Variants in NDUFA8 observed in about 807,000 individuals in gnomAD.
NDUFA8 encodes the protein NADH:ubiquinone oxidoreductase subunit A8, also known as NADH dehydrogenase [ubiquinone] 1 alpha subcomplex subunit 8.
In NDUFA8, 16 loss-of-function variants were observed where a neutral mutation model predicts 20.9. The ratio of observed to expected loss-of-function variants is 0.77; its 90% CI spans 0.52 to 1.16. NDUFA8 has a LOEUF of 1.16. Among genes scored for constraint, NDUFA8 ranks in the 50% most tolerant of loss-of-function variants. NDUFA8 has a pLI of 0.00. For missense variants in NDUFA8, 202 were observed against 216.4 expected (o/e 0.93, Z 0.42); for synonymous variants, 70 against 76.1 (o/e 0.92, Z 0.41).
intron 1 of NDUFA8, among the ~76,000 whole-genome samples, chr9:122,154,306 G>C (rs1432922982): frequency 6.6e-6 from 1 of 151,810 alleles, no homozygotes; most frequent in East Asian, 1.9e-4. Context: ...TTAGAAAACA[G>C]ATATGAATAC....
At chr9:122,140,029 C>A (rs979050275), downstream of NDUFA8, among the ~76,000 whole-genome samples, 16 of 152,150 alleles carry the variant, frequency 1.1e-4, no homozygotes, top group Admixed American at 5.9e-4. Context: ...GGGGTGAGAT[C>A]CAGACATCAG....
At chr9:122,142,038 C>A (rs903204293), downstream of NDUFA8, among the ~76,000 whole-genome samples, 3 of 152,142 alleles carry the variant, frequency 2.0e-5, no homozygotes, top group African/African-American at 7.2e-5. Context: ...GGGGAGTGAA[C>A]AGTGCTAGAA....
intron 3 of NDUFA8, among the ~76,000 whole-genome samples, chr9:122,146,280 GAA>G (rs1246859029): frequency 6.6e-6 from 1 of 152,042 alleles, no homozygotes; most frequent in Non-Finnish European, 1.5e-5. Context: ...ATACACTTTT[GAA>G]AAGAGTTAAG....
chr9:122,139,310 C>G (rs755491662), downstream of NDUFA8, among the ~76,000 whole-genome samples: 7 of 151,964 alleles, frequency 4.6e-5, no homozygotes, highest in Non-Finnish European at 8.8e-5. Context: ...TGCGCTTGCT[C>G]TGAGAGTCCT....
chr9:122,137,402 C>T, the NDUFA8 span, among the ~76,000 whole-genome samples: 4 of 151,878 alleles, frequency 2.6e-5, no homozygotes, highest in African/African-American at 9.7e-5. Flanking sequence ...CCATCACACC[C>T]GGCTAATTTT....
downstream of NDUFA8, among the ~76,000 whole-genome samples, chr9:122,140,304 C>A (rs1828800621): frequency 6.6e-6 from 1 of 152,194 alleles, no homozygotes; most frequent in Admixed American, 6.5e-5. Context: ...ATAAAGGCAT[C>A]ACAACCTCAA....
chr9:122,148,302 G>A (rs769938146), intron 2 of NDUFA8, 25 bp from the exon 3 acceptor site: 1 of 1,613,198 alleles, frequency 6.2e-7, no homozygotes, highest in African/African-American at 1.3e-5. Flanking sequence ...TGGGTTAGGG[G>A]CATCTCTTTG....
At chr9:122,155,281 G>A (rs971292051) in intron 1 of NDUFA8, among the ~76,000 whole-genome samples, 1 of 152,192 alleles carries the variant, frequency 6.6e-6, no homozygotes, top group African/African-American at 2.4e-5. Flanking sequence ...GTTCCTCCAT[G>A]TTGGTCAGGC....
the NDUFA8 span, among the ~76,000 whole-genome samples, chr9:122,138,871 G>GGGC: frequency 7.0e-6 from 1 of 142,636 alleles, no homozygotes; most frequent in Admixed American, 7.0e-5. Context: ...GAGGTGGGGG[G>GGGC]GGGGCCATCT....
intron 1 of NDUFA8, among the ~76,000 whole-genome samples, chr9:122,159,360 A>G (rs1339506823): frequency 5.9e-5 from 9 of 152,232 alleles, no homozygotes; most frequent in Admixed American, 4.6e-4. Flanking sequence ...ATGTATCACT[A>G]TTATTCACGG....
chr9:122,157,315 A>C (rs1829089807), intron 1 of NDUFA8, among the ~76,000 whole-genome samples: 1 of 152,168 alleles, frequency 6.6e-6, no homozygotes. Context: ...TTCCCTTTAT[A>C]GTTTCAGAGA....
At chr9:122,145,358 T>TA (rs1455778904) in intron 3 of NDUFA8, among the ~76,000 whole-genome samples, 1 of 152,166 alleles carries the variant, frequency 6.6e-6, no homozygotes, top group Non-Finnish European at 1.5e-5. Flanking sequence ...ACACTCACAG[T>TA]ATCCCCTGAT....
At chr9:122,138,870 G>GGT in the NDUFA8 span, among the ~76,000 whole-genome samples, 4 of 143,124 alleles carry the variant, frequency 2.8e-5, no homozygotes, top group Non-Finnish European at 3.1e-5. Flanking sequence ...AGAGGTGGGG[G>GGT]GGGGGCCATC....
At chr9:122,147,369 G>A (rs1162324548) in intron 3 of NDUFA8, among the ~76,000 whole-genome samples, 2 of 152,050 alleles carry the variant, frequency 1.3e-5, no homozygotes, top group East Asian at 1.9e-4. Context: ...ACTAAGATAG[G>A]AAATATAGGA....
At chr9:122,155,504 T>C (rs1406907219) in intron 1 of NDUFA8, among the ~76,000 whole-genome samples, 14 of 152,228 alleles carry the variant, frequency 9.2e-5, no homozygotes, top group Non-Finnish European at 1.8e-4. Context: ...CTATTAATAG[T>C]GCAACTGTTA....
At chr9:122,138,108 A>G in the NDUFA8 span, among the ~76,000 whole-genome samples, 2 of 152,246 alleles carry the variant, frequency 1.3e-5, no homozygotes, top group African/African-American at 4.8e-5. Flanking sequence ...GTCATATGAC[A>G]TAATACCTTA....
downstream of NDUFA8, among the ~76,000 whole-genome samples, chr9:122,141,894 TCAAAG>T (rs1340942155): frequency 2.6e-5 from 4 of 152,140 alleles, no homozygotes; most frequent in Non-Finnish European, 5.9e-5. Context: ...TTCAAGGAAT[TCAAAG>T]CAAGGTGGGG....
chr9:122,133,002 C>T, the NDUFA8 span: 5 of 455,972 alleles, frequency 1.1e-5, no homozygotes, highest in Non-Finnish European at 2.2e-5. Context: ...ACCACGTTTG[C>T]CACTAGCCTC....
chr9:122,133,055 A>C, the NDUFA8 span: 1 of 455,616 alleles, frequency 2.2e-6, no homozygotes, highest in Middle Eastern at 3.3e-4. Context: ...CCTCACAACC[A>C]CTCTGCAAAG....
Sources: allele counts gnomAD v4.1 joint callset (sites outside exome capture counted in the v4.1 genomes callset), GRCh38; gene constraint gnomAD v4.1.1; transcripts MANE v1.5; gene names NCBI Gene and HGNC (gene_info 2026-07-23, HGNC 2026-07-21).